Variants in KHDRBS2 observed in about 807,000 individuals in gnomAD.
KHDRBS2 encodes KH domain-containing, RNA-binding, signal transduction-associated protein 2.
Under a neutral mutation model 44.3 loss-of-function variants are expected in KHDRBS2, and 26 were observed. The observed-to-expected ratio is 0.59, with a 90% CI of 0.43 to 0.81. KHDRBS2 has a LOEUF of 0.81. KHDRBS2 is among the 40% of genes least tolerant of loss of function. The pLI is 0.00. For missense variants in KHDRBS2, 476 were observed against 433.1 expected (o/e 1.10, Z -0.88); for synonymous variants, 194 against 151.1 (o/e 1.28, Z -2.08).
At chr6:62,042,803 C>A (rs1786823489) in intron 3 of KHDRBS2, among the ~76,000 whole-genome samples, 1 of 152,080 alleles carries the variant, frequency 6.6e-6, no homozygotes, top group African/African-American at 2.4e-5. Context: ...ATAGAAACTG[C>A]ACATTATTAC....
intron 2 of KHDRBS2, among the ~76,000 whole-genome samples, chr6:62,098,716 T>G (rs1801203560): frequency 6.6e-6 from 1 of 152,176 alleles, no homozygotes; most frequent in Non-Finnish European, 1.5e-5. Context: ...TGTTACAATT[T>G]TTTGAATATT....
chr6:61,573,032 G>A, the KHDRBS2 span, among the ~76,000 whole-genome samples: 7 of 152,088 alleles, frequency 4.6e-5, no homozygotes, highest in South Asian at 4.2e-4. Context: ...TCAAACTGTC[G>A]CTGTTTGCTA....
chr6:62,148,392 C>T (rs1814386650), intron 2 of KHDRBS2, among the ~76,000 whole-genome samples: 1 of 151,910 alleles, frequency 6.6e-6, no homozygotes, highest in Non-Finnish European at 1.5e-5. Flanking sequence ...CCTTAAGAAG[C>T]TCTTGAGTCT....
chr6:62,045,319 ATAAAG>A (rs1274556966), intron 3 of KHDRBS2, among the ~76,000 whole-genome samples: 1 of 152,048 alleles, frequency 6.6e-6, no homozygotes, highest in African/African-American at 2.4e-5. Flanking sequence ...ATGGTTATAC[ATAAAG>A]TACAGATTCT....
chr6:61,909,236 T>G (rs1200397567), intron 4 of KHDRBS2, among the ~76,000 whole-genome samples: 1 of 151,732 alleles, frequency 6.6e-6, no homozygotes, highest in African/African-American at 2.4e-5. Context: ...CCAGCTAATT[T>G]TTTTGTATTT....
the KHDRBS2 span, among the ~76,000 whole-genome samples, chr6:61,576,119 T>G: frequency 6.6e-6 from 1 of 151,912 alleles, no homozygotes; most frequent in Non-Finnish European, 1.5e-5. Context: ...AATAAATAAA[T>G]AAGTGACACT....
intron 2 of KHDRBS2, among the ~76,000 whole-genome samples, chr6:62,095,916 GTC>G (rs1554398043): frequency 2.0e-5 from 3 of 151,654 alleles, no homozygotes; most frequent in Non-Finnish European, 4.4e-5. Flanking sequence ...TGTTGAAAGC[GTC>G]TATCATAAAG....
chr6:62,198,522 C>A (rs1826177793), intron 1 of KHDRBS2, among the ~76,000 whole-genome samples: 1 of 152,052 alleles, frequency 6.6e-6, no homozygotes, highest in African/African-American at 2.4e-5. Flanking sequence ...TACACCCTCC[C>A]AAGACTAAAC....
chr6:62,144,041 T>C (rs1004925383), intron 2 of KHDRBS2, among the ~76,000 whole-genome samples: 2 of 151,922 alleles, frequency 1.3e-5, no homozygotes, highest in African/African-American at 2.4e-5. Flanking sequence ...CATAGCTCTG[T>C]AGCACACCAA....
intron 2 of KHDRBS2, among the ~76,000 whole-genome samples, chr6:62,173,633 T>C (rs1396826247): frequency 6.6e-6 from 1 of 151,926 alleles, no homozygotes. Context: ...ACTTCAGGCC[T>C]ATATCCTTGA....
the KHDRBS2 span, among the ~76,000 whole-genome samples, chr6:61,598,278 C>CA: frequency 6.6e-6 from 1 of 151,026 alleles, no homozygotes; most frequent in African/African-American, 2.4e-5. Flanking sequence ...TATACCTAAA[C>CA]AAATGACTCA....
At chr6:62,151,319 C>A (rs958570826) in intron 2 of KHDRBS2, among the ~76,000 whole-genome samples, 3 of 152,176 alleles carry the variant, frequency 2.0e-5, no homozygotes, top group African/African-American at 7.2e-5. Flanking sequence ...GTTGGATTCA[C>A]ATAGGGTCAC....
At chr6:61,854,088 A>G (rs1435333802) in intron 6 of KHDRBS2, among the ~76,000 whole-genome samples, 1 of 152,112 alleles carries the variant, frequency 6.6e-6, no homozygotes, top group African/African-American at 2.4e-5. Flanking sequence ...CAAAGTTAAT[A>G]AAGAGAAAAC....
intron 6 of KHDRBS2, among the ~76,000 whole-genome samples, chr6:61,829,705 G>A (rs1198513363): frequency 1.3e-5 from 2 of 152,174 alleles, no homozygotes; most frequent in African/African-American, 4.8e-5. Context: ...ATAAACTCAT[G>A]TGTCAAATCA....
intron 1 of KHDRBS2, among the ~76,000 whole-genome samples, chr6:62,268,211 A>T (rs1180465344): frequency 6.6e-6 from 1 of 152,066 alleles, no homozygotes; most frequent in African/African-American, 2.4e-5. Flanking sequence ...AGTAGCTTTC[A>T]TGCCCATAAA....
rs147060749 is a variant in KHDRBS2, at chr6:62,122,981, A to G, written c.219+54204T>C. On this transcript the variant is annotated intron_variant, in intron 2 of 8. Coordinates refer to ENST00000281156, the MANE Select transcript of KHDRBS2 (RefSeq NM_152688.4). ...TTTGTTACATAGGTATACGTGTGCC[A>G]TGTTGGTTTGCTGCACCCATCAACT... is the stretch of plus-strand genomic sequence containing the variant. 7.9e-3 allele frequency among the ~76,000 whole-genome samples: 1,199 copies of G among 152,168 alleles called. 9 individuals are homozygous for G. Among genetic ancestry groups the G allele is most frequent in the Admixed American group, 0.013 (201 of 15,288 alleles).
At chr6:61,999,839 A>G (rs1393118044) in intron 3 of KHDRBS2, among the ~76,000 whole-genome samples, 1 of 152,148 alleles carries the variant, frequency 6.6e-6, no homozygotes, top group Non-Finnish European at 1.5e-5. Context: ...ACATTGTATT[A>G]ATAACATAAA....
chr6:61,728,436 T>C (rs1773924918), intron 7 of KHDRBS2, among the ~76,000 whole-genome samples: 1 of 152,066 alleles, frequency 6.6e-6, no homozygotes, highest in African/African-American at 2.4e-5. Context: ...ACATGGACTC[T>C]GAATTTAAAA....
intron 4 of KHDRBS2, among the ~76,000 whole-genome samples, chr6:61,941,287 C>G (rs1812078158): frequency 6.6e-6 from 1 of 152,164 alleles, no homozygotes; most frequent in Non-Finnish European, 1.5e-5. Context: ...ACATTACAGT[C>G]ACCACCAACA....
Sources: gnomAD v4.1 joint callset for allele counts (sites outside exome capture counted in the v4.1 genomes callset) on GRCh38, gnomAD v4.1.1 for gene constraint, MANE v1.5 for transcripts, NCBI Gene and HGNC (gene_info 2026-07-23, HGNC 2026-07-21) for gene names.